ADAM11: variants seen among roughly 807,000 people sequenced by gnomAD.
ADAM11 encodes the protein disintegrin and metalloproteinase domain-containing protein 11.
In ADAM11, 49 loss-of-function variants were observed where a neutral mutation model predicts 119.1. The ratio of observed to expected loss-of-function variants is 0.41; its 90% confidence interval spans 0.33 to 0.52. The LOEUF (loss-of-function observed/expected upper bound fraction) is 0.52, where lower values mean the gene tolerates loss of function less well. Ranked by LOEUF, ADAM11 falls within the 20% of genes least tolerant of loss-of-function variation. The pLI is 0.20. For synonymous variants in ADAM11, 364 were observed against 408.0 expected (o/e 0.89, Z 1.30); for missense variants, 777 against 1,047.5 (o/e 0.74, Z 3.56).
At position 44,776,304 on chromosome 17, in the gene ADAM11, T is replaced by A; in HGVS notation, c.1566+97T>A. The A allele has an allele frequency of 7.6e-7, 1 of 1,321,904 alleles. No individual in the cohort carries two copies. Among genetic ancestry groups the A allele is most frequent in the Non-Finnish European group, 1.1e-6 (1 of 929,700 alleles). 81.9% of individuals were successfully genotyped at this position (1,321,904 alleles called of 1,614,324 possible). On this transcript the variant is annotated intron_variant, in intron 18 of 26. Coordinates refer to ENST00000200557, the MANE Select transcript of ADAM11 (RefSeq NM_002390.6). This position sits in a 1 kb window ranked among gnomAD's most constrained non-coding sequence, Gnocchi z 5.2. Reference sequence around the variant, plus strand: ...GGACGAGTGCTCAGCACTCCCCTCCTCTCCACAGCTGGCATCGACCTCCAC... The same window carrying A: ...GGACGAGTGCTCAGCACTCCCCTCCACTCCACAGCTGGCATCGACCTCCAC...
chr17:44,779,000 C>T (rs950963143), intron 25 of ADAM11, among the ~76,000 whole-genome samples: 4 of 152,172 alleles, frequency 2.6e-5, no homozygotes, highest in African/African-American at 9.6e-5. Context: ...GGCCCAAGGT[C>T]ACATGATTGA....
chr17:44,775,650 G>C lies in ADAM11; in HGVS notation c.1459G>C (p.Asp487His), dbSNP rs774000432. ...CTLTHDAMCS[D>H]GLCCRRCKYE... ...CCTGACTCACGACGCCATGTGCAGC[G>C]ACGGGCTCTGCTGTCGCCGCTGCAA... Residue 487 changes from aspartate to histidine, a missense_variant, in exon 17 of 27, where the codon GAC becomes CAC. Physicochemically the swap from Asp to His is moderately conservative, Grantham distance 81 (BLOSUM62 -1). Around this residue, in one of 4 missense-constraint regions of ADAM11, gnomAD observed 348 missense variants for 486.7 expected, o/e 0.72. Coordinates refer to ENST00000200557, the MANE Select transcript of ADAM11 (RefSeq NM_002390.6). This position sits in a 1 kb window ranked among gnomAD's most constrained non-coding sequence, Gnocchi z 7.5. The C allele has an allele frequency of 6.9e-6, 11 of 1,590,366 alleles. No individual in the cohort carries two copies. In the South Asian group the frequency reaches 7.9e-5, roughly 11 times the overall value.
intron 1 of ADAM11, 125 bp downstream of exon 1, chr17:44,759,385 G>T: frequency 7.9e-7 from 1 of 1,264,078 alleles, no homozygotes; most frequent in Non-Finnish European, 1.0e-6. Flanking sequence ...AGCGCGGGAG[G>T]GTAGGGGAGC....
chr17:44,759,648 G>T (rs2049364952), intron 1 of ADAM11, 74 bp from the exon 2 acceptor site: 3 of 1,305,654 alleles, frequency 2.3e-6, no homozygotes, highest in Non-Finnish European at 2.9e-6. Context: ...GGGGGATGAG[G>T]CATGCCCACC....
intron 2 of ADAM11, among the ~76,000 whole-genome samples, chr17:44,761,820 T>C (rs545456463): frequency 1.0e-4 from 15 of 147,758 alleles, no homozygotes; most frequent in African/African-American, 3.7e-4. Context: ...CTTGTAACTT[T>C]TGTGTGTTTA....
In ADAM11 at chr17:44,772,472, G is replaced by A. The variant is rs1264814754; in HGVS notation, c.678+6G>A. 1.7e-5 allele frequency: 27 copies of A among 1,563,952 alleles called. No homozygotes were observed. Among genetic ancestry groups the A allele is most frequent in the Non-Finnish European group, 2.3e-5 (27 of 1,154,672 alleles). ...GGCTGAGAAGGAAAAGGCAGGTACG[G>A]GGGCCCGCACAGACCTCGGGCTGCA... is the stretch of plus-strand genomic sequence containing the variant. On this transcript the variant is annotated splice_donor_region_variant and intron_variant, in intron 8 of 26. Coordinates refer to ENST00000200557, the MANE Select transcript of ADAM11 (RefSeq NM_002390.6). This position sits in a 1 kb window ranked among gnomAD's most constrained non-coding sequence, Gnocchi z 4.5.
rs769236614 is a variant in ADAM11, at chr17:44,772,823, A to C, written c.679-34A>C. ...GGCCATGAGATCAGTCAGACATGGA[A>C]GGGACTGATTCCAAGTGCCCACCCA... is the stretch of plus-strand genomic sequence containing the variant. On this transcript the variant is annotated intron_variant, in intron 8 of 26. Coordinates refer to ENST00000200557, the MANE Select transcript of ADAM11 (RefSeq NM_002390.6). The surrounding 1 kb of genome is among the most constrained non-coding windows in gnomAD (Gnocchi z 4.5). 8 of 1,597,352 alleles carry C rather than the reference A, an allele frequency of 5.0e-6. No homozygotes were observed. In the South Asian group the frequency reaches 8.8e-5, roughly 18 times the overall value.
rs948920306 is a variant in ADAM11 at position 44,781,721 on chromosome 17, G to C, written c.*1967G>C. 3.3e-5 allele frequency: 5 copies of C among 152,370 alleles called. No homozygotes were observed. The highest frequency in any genetic ancestry group is 9.6e-5 in the African/African-American group (4 of 41,462). 9.4% of individuals were successfully genotyped at this position (152,370 alleles called of 1,614,324 possible). On this transcript the variant is annotated 3_prime_UTR_variant, in exon 27 of 27. Transcript: ENST00000200557. Reference sequence around the variant, plus strand: ...CTGGCAGAACCCAGGGAGGAGTGGAGGCTGCCTCTGCCTGGGCCTCCACAC... The same window carrying C: ...CTGGCAGAACCCAGGGAGGAGTGGACGCTGCCTCTGCCTGGGCCTCCACAC...
chr17:44,775,690 G>C lies in ADAM11; in HGVS notation c.1485+14G>C. 1.3e-6 allele frequency: 2 copies of C among 1,564,052 alleles called. No homozygotes were observed. The highest frequency in any genetic ancestry group is 1.7e-6 in the Non-Finnish European group (2 of 1,157,842). On this transcript the variant is annotated intron_variant, in intron 17 of 26. Transcript: ENST00000200557. This position sits in a 1 kb window ranked among gnomAD's most constrained non-coding sequence, Gnocchi z 7.5. The stretch of plus-strand genomic sequence containing the variant: ...CGCCGCTGCAAGGTAAGCAGGACCG[G>C]CCGGGAGGCGGGGCCAGGACGCAGG...
At chr17:44,759,930 G>A in intron 2 of ADAM11, 33 bp downstream of exon 2, 1 of 1,261,118 alleles carries the variant, frequency 7.9e-7, no homozygotes, top group East Asian at 3.1e-5. Context: ...GCCAGGGGCT[G>A]AAGCAGGCCT....
Position 44,772,988 on chromosome 17 carries a change from C to T in ADAM11, c.754-26C>T. ...CTGGGAGGCCCCTGAGGAGCCTGGC[C>T]CTCCTCCCATTCTTCTCTCTCCCAG... On this transcript the variant is annotated intron_variant, in intron 9 of 26. Coordinates refer to ENST00000200557, the MANE Select transcript of ADAM11 (RefSeq NM_002390.6). The surrounding 1 kb of genome is among the most constrained non-coding windows in gnomAD (Gnocchi z 4.5). 19 of 1,613,974 alleles carry T rather than the reference C, an allele frequency of 1.2e-5. No homozygotes were observed. Among genetic ancestry groups the T allele is most frequent in the Non-Finnish European group, 1.6e-5 (19 of 1,179,910 alleles).
chr17:44,775,624 C>A lies in ADAM11; in HGVS notation c.1433C>A (p.Thr478Asn). 6.3e-7 allele frequency: 1 copy of A among 1,592,238 alleles called. No homozygotes were observed. The highest frequency in any genetic ancestry group is 1.7e-5 in the Admixed American group (1 of 58,002). The change falls in exon 17 of 27, where the codon ACC becomes AAC. Residue 478 changes from threonine to asparagine, a missense_variant. This residue lies in a region of ADAM11 where 348 missense variants were observed against 486.7 expected (regional missense o/e 0.72). Transcript: ENST00000200557. The surrounding 1 kb of genome is among the most constrained non-coding windows in gnomAD (Gnocchi z 7.5). ...RAGGNCCKKC[T>N]LTHDAMCSDG... ...GGTGGCAACTGCTGCAAGAAATGCACCCTGACTCACGACGCCATGTGCAGC... is the reference window on the plus strand; with the variant it reads ...GGTGGCAACTGCTGCAAGAAATGCAACCTGACTCACGACGCCATGTGCAGC...
intron 2 of ADAM11, among the ~76,000 whole-genome samples, chr17:44,763,184 T>C (rs539038227): frequency 6.6e-6 from 1 of 152,226 alleles, no homozygotes; most frequent in South Asian, 2.1e-4. Flanking sequence ...AAATTACAAT[T>C]ATTTACTAGG....
intron 2 of ADAM11, among the ~76,000 whole-genome samples, chr17:44,768,593 C>T (rs1350514247): frequency 2.0e-5 from 3 of 152,074 alleles, no homozygotes; most frequent in Non-Finnish European, 2.9e-5. Flanking sequence ...AGGGTTGCTG[C>T]GAAGATCAAA....
At position 44,759,205 on chromosome 17, in the gene ADAM11, G is replaced by C; in HGVS notation, c.6G>C (p.Arg2Ser). The C allele has an allele frequency of 7.0e-7, 1 of 1,426,812 alleles. No homozygotes were observed. Among genetic ancestry groups the C allele is most frequent in the Non-Finnish European group, 9.2e-7 (1 of 1,090,800 alleles). The allele number at this position is 1,426,812 out of a possible 1,614,324, so 88.4% of individuals were successfully genotyped here. MRLLRRWAFAAL... is the reference protein window; with the variant it reads MSLLRRWAFAAL... The stretch of plus-strand genomic sequence containing the variant: ...CCGGGAGGAATGAGCGAGCCATGAG[G>C]CTGCTGCGGCGCTGGGCGTTCGCGG... Residue 2 changes from arginine (R) to serine (S), a missense_variant, in exon 1 of 27, where the codon AGG becomes AGC. This residue lies in a region of ADAM11 where 278 missense variants were observed against 310.1 expected (regional missense o/e 0.90). Coordinates refer to ENST00000200557, the MANE Select transcript of ADAM11 (RefSeq NM_002390.6).
intron 1 of ADAM11, chr17:44,759,485 C>CA: frequency 8.8e-6 from 11 of 1,249,604 alleles, no homozygotes; most frequent in Non-Finnish European, 1.1e-5. Context: ...GCCAGCTCTG[C>CA]AGGTCTCTGC....
Position 44,759,876 on chromosome 17 carries a change from C to T in ADAM11, c.216C>T (p.Arg72=). 7.7e-7 allele frequency: 1 copy of T among 1,306,670 alleles called. No homozygotes were observed. Among genetic ancestry groups the T allele is most frequent in the Non-Finnish European group, 9.8e-7 (1 of 1,019,988 alleles). 80.9% of individuals were successfully genotyped at this position (1,306,670 alleles called of 1,614,324 possible). ...VRKQQLDTRV[R]QEPPGGPPVH... ...AGCAGCAGCTGGACACAAGGGTCCG[C>T]CAGGAGCCACCAGGGGGCCCGGTGA... is the stretch of plus-strand genomic sequence containing the variant. Residue 72 remains arginine (R), a synonymous_variant, in exon 2 of 27, where the codon CGC becomes CGT. Transcript: ENST00000200557.
At position 44,773,548 on chromosome 17, in the gene ADAM11, C is replaced by T. The variant is rs1598890935; in HGVS notation, c.992+121C>T. On this transcript the variant is annotated intron_variant, in intron 11 of 26. Transcript: ENST00000200557. The surrounding 1 kb of genome is among the most constrained non-coding windows in gnomAD (Gnocchi z 4.6). Reference sequence around the variant, plus strand: ...GAGTCTGGGGACTGGGCTCACCTTGCACCTGCCACCTACCCCCAGCCACAT... The same window carrying T: ...GAGTCTGGGGACTGGGCTCACCTTGTACCTGCCACCTACCCCCAGCCACAT... 5.8e-6 allele frequency: 7 copies of T among 1,198,694 alleles called. No homozygotes were observed. The East Asian group carries it at 1.8e-4, about 31-fold the overall frequency. The allele number at this position is 1,198,694 out of a possible 1,614,324, so 74.3% of individuals were successfully genotyped here.
rs374662873 is a variant in ADAM11 at position 44,772,940 on chromosome 17, C to G, written c.753+9C>G. 3.7e-6 allele frequency: 6 copies of G among 1,614,028 alleles called. No homozygotes were observed. The highest frequency in any genetic ancestry group is 5.1e-6 in the Non-Finnish European group (6 of 1,180,028). On this transcript the variant is annotated intron_variant, in intron 9 of 26. Coordinates refer to ENST00000200557, the MANE Select transcript of ADAM11 (RefSeq NM_002390.6). The surrounding 1 kb of genome is among the most constrained non-coding windows in gnomAD (Gnocchi z 4.5). The stretch of plus-strand genomic sequence containing the variant: ...TCAACGACCACCAGCTGGTGAGTGC[C>G]AGGGCAGGGACAGGGCGTGACACTG...
Sources: allele counts gnomAD v4.1 joint callset (sites outside exome capture counted in the v4.1 genomes callset), GRCh38; gene constraint gnomAD v4.1.1; regional missense constraint gnomAD v4.1.1; non-coding constraint Gnocchi (gnomAD v3.1); transcripts MANE v1.5; gene names NCBI Gene and HGNC (gene_info 2026-07-23, HGNC 2026-07-21).